COL11A1: variants seen among roughly 807,000 people sequenced by gnomAD.
COL11A1 encodes the protein collagen type XI alpha 1 chain.
Under a neutral mutation model 265.2 loss-of-function variants are expected in COL11A1, and 74 were observed. The observed-to-expected ratio is 0.28, with a 90% CI of 0.23 to 0.34. The LOEUF is 0.34. COL11A1 is among the 10% of genes least tolerant of loss of function. The pLI is 1.00. For synonymous variants in COL11A1, 816 were observed against 727.6 expected (o/e 1.12, Z -1.96); for missense variants, 2,165 against 2,263.6 (o/e 0.96, Z 0.88).
Position 102,974,851 on chromosome 1 carries a change from G to A in COL11A1, c.2787C>T (p.Phe929=). 6.2e-7 allele frequency: 1 copy of A among 1,613,528 alleles called. No homozygotes were observed. The highest frequency in any genetic ancestry group is 8.5e-7 in the Non-Finnish European group (1 of 1,179,576). ...GPQGPQGPVG[F]PGPKGPPGPP... is the part of the protein sequence containing the mutation. ...TTACAGGAGGGCCTTTTGGTCCAGGGAATCCAACTGGACCCTGAGGTCCTT... is the reference window on the plus strand; with the variant it reads ...TTACAGGAGGGCCTTTTGGTCCAGGAAATCCAACTGGACCCTGAGGTCCTT... The change falls in exon 36 of 67, where the codon TTC becomes TTT. Residue 929 remains phenylalanine, a synonymous_variant. Transcript: ENST00000370096.
chr1:103,053,280 C>A (rs1282987623), intron 4 of COL11A1, among the ~76,000 whole-genome samples: 2 of 152,092 alleles, frequency 1.3e-5, no homozygotes, highest in Non-Finnish European at 2.9e-5. Flanking sequence ...ACAGTTTTAG[C>A]CACAAATCCT....
At position 103,101,972 on chromosome 1, in the gene COL11A1, T is replaced by C. The variant is rs189753941; in HGVS notation, c.106+6101A>G. On this transcript the variant is annotated intron_variant, in intron 1 of 66. Transcript: ENST00000370096. ...TTTTACCAGATAACAGTAGGTCTGG[T>C]GATCAGCCAATGTCTAAAGAACCAC... is the stretch of plus-strand genomic sequence containing the variant. 2.8e-3 allele frequency among the ~76,000 whole-genome samples: 427 copies of C among 152,168 alleles called. 1 individual carries two copies. Among genetic ancestry groups the C allele is most frequent in the Non-Finnish European group, 4.9e-3 (330 of 67,944 alleles).
chr1:102,952,218 C>G (rs1659958666), intron 41 of COL11A1, among the ~76,000 whole-genome samples: 2 of 152,042 alleles, frequency 1.3e-5, no homozygotes, highest in Admixed American at 6.5e-5. Context: ...CCTGCCTTAG[C>G]CTTCTGAGTA....
intron 54 of COL11A1, among the ~76,000 whole-genome samples, chr1:102,899,400 C>T (rs1475422797): frequency 2.0e-5 from 3 of 151,912 alleles, no homozygotes; most frequent in Non-Finnish European, 4.4e-5. Flanking sequence ...TGGCCCCTTC[C>T]TTAATCTTAG....
Position 103,002,016 on chromosome 1 carries a change from A to T in COL11A1, c.2098-47T>A, listed in dbSNP as rs748451686. ...CATATATCAGATATCAAATCACAGTAATATGCTTTTAAAACAGCAAATTAT... is the reference window on the plus strand; with the variant it reads ...CATATATCAGATATCAAATCACAGTTATATGCTTTTAAAACAGCAAATTAT... On this transcript the variant is annotated intron_variant, in intron 23 of 66. Coordinates refer to ENST00000370096, the MANE Select transcript of COL11A1 (RefSeq NM_001854.4). 4.6e-6 allele frequency: 7 copies of T among 1,522,406 alleles called. No homozygotes were observed. The South Asian group carries it at 6.7e-5, about 15-fold the overall frequency. The allele number at this position is 1,522,406 out of a possible 1,614,324, so 94.3% of individuals were successfully genotyped here. A position where few individuals can be genotyped will look rare whatever the true frequency, so the allele number is the denominator to read the frequency against.
intron 41 of COL11A1, among the ~76,000 whole-genome samples, chr1:102,952,025 A>T (rs1410610368): frequency 2.0e-5 from 3 of 152,174 alleles, no homozygotes; most frequent in Non-Finnish European, 4.4e-5. Context: ...ATATTTTAAT[A>T]ATTATTTTAA....
chr1:103,022,809 G>C lies in COL11A1; in HGVS notation c.1178C>G (p.Pro393Arg). The C allele has an allele frequency of 6.2e-7, 1 of 1,613,588 alleles. No individual in the cohort carries two copies. The highest frequency in any genetic ancestry group is 8.5e-7 in the Non-Finnish European group (1 of 1,179,864). The change falls in exon 8 of 67, where the codon CCA becomes CGA. Residue 393 changes from proline to arginine, a missense_variant. Pro to Arg is a moderately radical substitution (Grantham distance 103, BLOSUM62 -2). Coordinates refer to ENST00000370096, the MANE Select transcript of COL11A1 (RefSeq NM_001854.4). Reference sequence around the variant, plus strand: ...AAATTCTTCATTAGGGGGGCTTGTTGGTTTATCTTCATATTCTTTATATTC... The same window carrying C: ...AAATTCTTCATTAGGGGGGCTTGTTCGTTTATCTTCATATTCTTTATATTC... ...FYEYKEYEDK[P>R]TSPPNEEFGP...
At chr1:102,987,531 G>A (rs1663695888) in intron 30 of COL11A1, 102 bp downstream of exon 30, 1 of 860,974 alleles carries the variant, frequency 1.2e-6, no homozygotes, top group Non-Finnish European at 2.0e-6. Flanking sequence ...TATCTTTAAT[G>A]TAGTAAGAAC....
At chr1:102,994,625 ATG>A (rs1485144677) in intron 28 of COL11A1, among the ~76,000 whole-genome samples, 1 of 152,086 alleles carries the variant, frequency 6.6e-6, no homozygotes, top group Non-Finnish European at 1.5e-5. Flanking sequence ...CTAATAGAGT[ATG>A]TTCTTATGAG....
intron 54 of COL11A1, among the ~76,000 whole-genome samples, chr1:102,908,643 T>G (rs1466871069): frequency 6.6e-6 from 1 of 152,160 alleles, no homozygotes; most frequent in East Asian, 1.9e-4. Flanking sequence ...TTTCCATTGA[T>G]GTGTAATGTC....
intron 35 of COL11A1, among the ~76,000 whole-genome samples, chr1:102,978,087 A>G (rs1662675605): frequency 6.6e-6 from 1 of 152,196 alleles, no homozygotes; most frequent in African/African-American, 2.4e-5. Context: ...AAAGGAATAC[A>G]GATTATAATA....
At chr1:103,077,548 A>T (rs1264819122) in intron 3 of COL11A1, among the ~76,000 whole-genome samples, 1 of 152,094 alleles carries the variant, frequency 6.6e-6, no homozygotes, top group East Asian at 1.9e-4. Context: ...AAGTCTCAGT[A>T]AAACTGAGAC....
intron 4 of COL11A1, among the ~76,000 whole-genome samples, chr1:103,043,727 AAAGGAAAACAAACCTTT>A (rs1280351708): frequency 9.2e-5 from 14 of 152,238 alleles, no homozygotes; most frequent in African/African-American, 3.1e-4. Context: ...GGAGTCAATT[AAAGGAAAACAAACCTTT>A]AAGTGGCAGA....
At chr1:103,060,868 G>A (rs866768767) in intron 4 of COL11A1, among the ~76,000 whole-genome samples, 3 of 151,680 alleles carry the variant, frequency 2.0e-5, no homozygotes, top group African/African-American at 2.4e-5. Context: ...GGTAATAAAT[G>A]GAACATAATA....
At chr1:103,034,441 C>A (rs2102012712) in intron 4 of COL11A1, among the ~76,000 whole-genome samples, 1 of 151,952 alleles carries the variant, frequency 6.6e-6, no homozygotes, top group African/African-American at 2.4e-5. Context: ...TACACTGATT[C>A]TTTATTTTGT....
chr1:103,087,197 T>C (rs1031969783), intron 1 of COL11A1, among the ~76,000 whole-genome samples: 2 of 152,226 alleles, frequency 1.3e-5, no homozygotes, highest in African/African-American at 4.8e-5. Context: ...GCACAAACCA[T>C]GTGTATGCAA....
At chr1:102,885,483 A>G (rs1650850721) in intron 63 of COL11A1, among the ~76,000 whole-genome samples, 1 of 152,166 alleles carries the variant, frequency 6.6e-6, no homozygotes, top group Non-Finnish European at 1.5e-5. Flanking sequence ...AACCTGCTTT[A>G]TCTTCTGCTA....
At position 102,887,022 on chromosome 1, in the gene COL11A1, A is replaced by G. The variant is rs760798511; in HGVS notation, c.4643T>C (p.Ile1548Thr). Residue 1548 changes from isoleucine (I) to threonine (T), a missense_variant, in exon 63 of 67, where the codon ATC becomes ACC. By Grantham distance (89) the Ile-to-Thr change is moderately conservative. Transcript: ENST00000370096. The stretch of plus-strand genomic sequence containing the variant: ...TCTTCTCGTTTTTTTGGAGGACAAG[A>G]TTGGTAAAGGCTGAATGACTTCACC... Reference protein sequence around the residue: ...PPGEVIQPLPILSSKKTRRHT... With the variant: ...PPGEVIQPLPTLSSKKTRRHT... 100 of 1,613,782 alleles carry G rather than the reference A, an allele frequency of 6.2e-5. No homozygotes were observed. The highest frequency in any genetic ancestry group is 8.5e-5 in the Non-Finnish European group (100 of 1,179,850).
At chr1:103,060,476 G>GT (rs1670587041) in intron 4 of COL11A1, among the ~76,000 whole-genome samples, 1 of 152,102 alleles carries the variant, frequency 6.6e-6, no homozygotes, top group African/African-American at 2.4e-5. Flanking sequence ...TAAGGTATGA[G>GT]TTTTTTCAAA....
Sources: allele counts gnomAD v4.1 joint callset (sites outside exome capture counted in the v4.1 genomes callset), GRCh38; gene constraint gnomAD v4.1.1; transcripts MANE v1.5; gene names NCBI Gene and HGNC (gene_info 2026-07-23, HGNC 2026-07-21).